Variants in AGFG2 observed in about 807,000 individuals in gnomAD.
AGFG2 encodes the protein arf-GAP domain and FG repeat-containing protein 2.
A neutral mutation model predicts 48.0 loss-of-function variants in AGFG2; 31 were observed. That is an observed-to-expected ratio of 0.65 (90% CI 0.49 to 0.87). The LOEUF (loss-of-function observed/expected upper bound fraction) is 0.87, where lower values mean the gene tolerates loss of function less well. Ranked by LOEUF, AGFG2 falls within the 40% of genes least tolerant of loss-of-function variation. The pLI, the probability that AGFG2 is intolerant of heterozygous loss-of-function variation, is 0.00. For missense variants in AGFG2, 599 were observed against 632.6 expected, an observed-to-expected ratio of 0.95 and a Z score of 0.57; for synonymous variants, 229 against 260.8, an observed-to-expected ratio of 0.88 and a Z score of 1.18.
In AGFG2 at chr7:100,565,057, A is replaced by G. The variant is rs2131128457; in HGVS notation, c.*66A>G. On this transcript the variant is annotated 3_prime_UTR_variant, in exon 12 of 12. Coordinates refer to ENST00000300176, the MANE Select transcript of AGFG2 (RefSeq NM_006076.5). Reference sequence around the variant, plus strand: ...CCCTCTGCTCCCTAGAGCTCTGGTGACCACTTGCCTGTGGGCATTTCTATG... The same window carrying G: ...CCCTCTGCTCCCTAGAGCTCTGGTGGCCACTTGCCTGTGGGCATTTCTATG... 2.6e-6 allele frequency: 4 copies of G among 1,533,000 alleles called. No individual in the cohort carries two copies. In the South Asian group the frequency reaches 3.4e-5, roughly 13 times the overall value. The allele number at this position is 1,533,000 out of a possible 1,614,324, so 95.0% of individuals were successfully genotyped here.
chr7:100,566,660 C>G lies in AGFG2; in HGVS notation c.*1669C>G, dbSNP rs1012738968. 6.6e-6 allele frequency: 1 copy of G among 152,236 alleles called. No individual in the cohort carries two copies. Among genetic ancestry groups the G allele is most frequent in the Non-Finnish European group, 1.5e-5 (1 of 68,074 alleles). 9.4% of individuals were successfully genotyped at this position (152,236 alleles called of 1,614,324 possible). ...TATTTGCAAGGCTGGGATTGGCCTC[C>G]CTGTCTTTTCCAACAATCAGGACCC... On this transcript the variant is annotated 3_prime_UTR_variant, in exon 12 of 12. Transcript: ENST00000300176.
In AGFG2 at chr7:100,565,244, T is replaced by C. The variant is rs563696310; in HGVS notation, c.*253T>C. On this transcript the variant is annotated 3_prime_UTR_variant, in exon 12 of 12. Coordinates refer to ENST00000300176, the MANE Select transcript of AGFG2 (RefSeq NM_006076.5). ...GGCAGGGCCTGACCTGGAGGAGTGA[T>C]GGTTGAGGGGGAGGGATTTTTTTCA... 29 of 572,854 alleles carry C rather than the reference T, an allele frequency of 5.1e-5. No individual in the cohort carries two copies. In the East Asian group the frequency reaches 8.0e-4, roughly 16 times the overall value. 35.5% of individuals were successfully genotyped at this position (572,854 alleles called of 1,614,324 possible).
chr7:100,541,261 C>A (rs1294698877), intron 1 of AGFG2, among the ~76,000 whole-genome samples: 3 of 152,158 alleles, frequency 2.0e-5, no homozygotes, highest in African/African-American at 7.2e-5. Flanking sequence ...GTTTTAACCT[C>A]CTTTGCTAAA....
Position 100,565,483 on chromosome 7 carries a change from C to T in AGFG2, c.*492C>T, listed in dbSNP as rs1016035727. ...CAGCACACACTTTCCTCCTGCAGCA[C>T]CCCCTGCTGAAGGGGTCCCCCATTG... is the stretch of plus-strand genomic sequence containing the variant. On this transcript the variant is annotated 3_prime_UTR_variant, in exon 12 of 12. Coordinates refer to ENST00000300176, the MANE Select transcript of AGFG2 (RefSeq NM_006076.5). 6.4e-6 allele frequency: 1 copy of T among 155,356 alleles called. No homozygotes were observed. The highest frequency in any genetic ancestry group is 2.4e-5 in the African/African-American group (1 of 41,464). The allele number at this position is 155,356 out of a possible 1,614,324, so 9.6% of individuals were successfully genotyped here. A position where few individuals can be genotyped will look rare whatever the true frequency, so the allele number is the denominator to read the frequency against.
intron 1 of AGFG2, among the ~76,000 whole-genome samples, chr7:100,541,190 C>A (rs1032863725): frequency 1.3e-5 from 2 of 152,122 alleles, no homozygotes; most frequent in Non-Finnish European, 2.9e-5. Flanking sequence ...TAGTGATGAT[C>A]ATGGCAGACC....
Position 100,562,169 on chromosome 7 carries a change from CCAT to C in AGFG2, c.878-87_878-85del. ...GCACCTGTCATGCCATGACTCCAAT[CCAT>C]CACCACCACCACCTCCATCTGCTCT... On this transcript the variant is annotated intron_variant, in intron 6 of 11. Transcript: ENST00000300176. The surrounding 1 kb of genome is among the most constrained non-coding windows in gnomAD (Gnocchi z 5.4). 1 of 1,520,700 alleles carries C rather than the reference CCAT, an allele frequency of 6.6e-7. No homozygotes were observed. Among genetic ancestry groups the C allele is most frequent in the South Asian group, 1.2e-5 (1 of 81,248 alleles). 94.2% of individuals were successfully genotyped at this position (1,520,700 alleles called of 1,614,324 possible). A position where few individuals can be genotyped will look rare whatever the true frequency, so the allele number is the denominator to read the frequency against.
chr7:100,553,466 C>A lies in AGFG2; in HGVS notation c.551C>A (p.Pro184Gln). 1.2e-6 allele frequency: 2 copies of A among 1,607,014 alleles called. No homozygotes were observed. Among genetic ancestry groups the A allele is most frequent in the Non-Finnish European group, 1.7e-6 (2 of 1,174,564 alleles). Reference sequence around the variant, plus strand: ...CGGACACTTCTGGGTGATCCTGCACCGTCTCTCTCAGTTGCTGCCTCCACC... The same window carrying A: ...CGGACACTTCTGGGTGATCCTGCACAGTCTCTCTCAGTTGCTGCCTCCACC... ...PLRTLLGDPA[P>Q]SLSVAASTSS... The change falls in exon 4 of 12, where the codon CCG (proline) becomes CAG (glutamine). Residue 184 changes from proline to glutamine, a missense_variant. Pro to Gln is a moderately conservative substitution (Grantham distance 76, BLOSUM62 -1). Coordinates refer to ENST00000300176, the MANE Select transcript of AGFG2 (RefSeq NM_006076.5).
chr7:100,547,015 T>C (rs547781147), intron 1 of AGFG2, among the ~76,000 whole-genome samples: 79 of 152,334 alleles, frequency 5.2e-4, no homozygotes, highest in Non-Finnish European at 1.0e-3. Flanking sequence ...CCTTTATACC[T>C]AAAGGTCTAG....
At position 100,554,198 on chromosome 7, in the gene AGFG2, G is replaced by A; in HGVS notation, c.691G>A (p.Gly231Arg). Residue 231 changes from glycine to arginine, a missense_variant, in exon 5 of 12, where the codon GGA becomes AGA. Physicochemically the swap from Gly to Arg is moderately radical, Grantham distance 125 (BLOSUM62 -2). Transcript: ENST00000300176. ...ASTDLLADIG[G>R]DPFAAPQMAP... is the part of the protein sequence containing the mutation. ...TACTGACCTGCTGGCTGACATCGGT[G>A]GAGACCCCTTTGCTGCACCCCAGAT... The A allele has an allele frequency of 1.2e-6, 2 of 1,614,224 alleles. No homozygotes were observed. The highest frequency in any genetic ancestry group is 1.7e-6 in the Non-Finnish European group (2 of 1,180,036).
chr7:100,558,545 GTTT>G (rs36124305), intron 6 of AGFG2, among the ~76,000 whole-genome samples: 2 of 135,472 alleles, frequency 1.5e-5, no homozygotes, highest in Non-Finnish European at 1.6e-5. Flanking sequence ...TTTTGTTTTT[GTTT>G]TTTTTTTTTT....
intron 3 of AGFG2, among the ~76,000 whole-genome samples, chr7:100,552,652 T>C (rs1401253665): frequency 2.6e-5 from 4 of 152,122 alleles, no homozygotes; most frequent in African/African-American, 7.2e-5. Flanking sequence ...AAGACCACAC[T>C]GTGGAGTCCC....
In AGFG2 at chr7:100,539,401, AAGGCGG is replaced by A. The variant is rs750507366; in HGVS notation, c.68_73del (p.Glu23_Ala24del). On this transcript the variant is annotated inframe_deletion, in exon 1 of 12. Coordinates refer to ENST00000300176, the MANE Select transcript of AGFG2 (RefSeq NM_006076.5). ...CCCGGGCGGCGGGGTCAGCGGGGGC[AAGGCGG>A]AGGCGGAGGCGGCCTCGGAGGTGTG... 1.9e-5 allele frequency: 25 copies of A among 1,308,394 alleles called. No individual in the cohort carries two copies. The highest frequency in any genetic ancestry group is 2.2e-4 in the Middle Eastern group (1 of 4,556). The allele number at this position is 1,308,394 out of a possible 1,614,324, so 81.0% of individuals were successfully genotyped here.
chr7:100,553,305 G>C (rs1318966194), intron 3 of AGFG2, 42 bp from the exon 4 acceptor site: 3 of 1,612,472 alleles, frequency 1.9e-6, no homozygotes, highest in Admixed American at 1.7e-5. Context: ...GTGGTCCAAA[G>C]TTTTATCCCT....
chr7:100,562,404 G>C lies in AGFG2; in HGVS notation c.998+25G>C. 1 of 1,611,738 alleles carries C rather than the reference G, an allele frequency of 6.2e-7. No individual in the cohort carries two copies. The highest frequency in any genetic ancestry group is 1.3e-5 in the African/African-American group (1 of 75,010). On this transcript the variant is annotated intron_variant, in intron 7 of 11. Transcript: ENST00000300176. The surrounding 1 kb of genome is among the most constrained non-coding windows in gnomAD (Gnocchi z 5.4). ...GGTAGGTACAGACAGTGGGCAGTCT[G>C]CTGTAGGGCAGGAGAGCCGCCCGAA...
rs1451938919 is a variant in AGFG2 at position 100,562,653 on chromosome 7, G to C, written c.1058G>C (p.Gly353Ala). 3 of 1,609,922 alleles carry C rather than the reference G, an allele frequency of 1.9e-6. No individual in the cohort carries two copies. The highest frequency in any genetic ancestry group is 2.5e-6 in the Non-Finnish European group (3 of 1,179,818). Reference sequence around the variant, plus strand: ...CAGTCTGTCACGATGGGCGGCGGCGGCGGCAGCAGCACAGGGCTGGCCTTT... The same window carrying C: ...CAGTCTGTCACGATGGGCGGCGGCGCCGGCAGCAGCACAGGGCTGGCCTTT... ...PLQSVTMGGG[G>A]GSSTGLAFGA... is the part of the protein sequence containing the mutation. The change falls in exon 8 of 12, where the codon GGC becomes GCC. Residue 353 changes from glycine to alanine, a missense_variant. By Grantham distance (60) the Gly-to-Ala change is moderately conservative (BLOSUM62 0). Transcript: ENST00000300176. This position sits in a 1 kb window ranked among gnomAD's most constrained non-coding sequence, Gnocchi z 5.4.
rs1385794407 is a variant in AGFG2, at chr7:100,562,873, C to A, written c.1098C>A (p.Asn366Lys). The change falls in exon 9 of 12, where the codon AAC (asparagine) becomes AAA (lysine). Residue 366 changes from asparagine (N) to lysine (K), a missense_variant. Physicochemically the swap from Asn to Lys is moderately conservative, Grantham distance 94 (BLOSUM62 0). Transcript: ENST00000300176. The surrounding 1 kb of genome is among the most constrained non-coding windows in gnomAD (Gnocchi z 5.4). The part of the protein sequence containing the change: ...STGLAFGAFT[N>K]PFTAPAAQSP... ...ATTCCACCTGGGCAGCCTTCACTAA[C>A]CCTTTCACAGCTCCCGCCGCCCAGT... The A allele has an allele frequency of 1.2e-6, 2 of 1,614,158 alleles. No individual in the cohort carries two copies. The highest frequency in any genetic ancestry group is 2.2e-5 in the South Asian group (2 of 91,088).
intron 11 of AGFG2, 91 bp from the exon 12 acceptor site, chr7:100,564,841 A>G: frequency 1.4e-6 from 2 of 1,449,472 alleles, no homozygotes; most frequent in East Asian, 4.5e-5. Flanking sequence ...CAGCATAGCG[A>G]TTTTTCAGGA....
In AGFG2 at chr7:100,555,597, C is replaced by T; in HGVS notation, c.752-13C>T. ...AATTTTCTATATAACCTTTATGTTT[C>T]TTCCACCTACAGGCCAGACACCTTC... On this transcript the variant is annotated splice_polypyrimidine_tract_variant and intron_variant, in intron 5 of 11. Coordinates refer to ENST00000300176, the MANE Select transcript of AGFG2 (RefSeq NM_006076.5). 2.5e-6 allele frequency: 4 copies of T among 1,611,766 alleles called. No homozygotes were observed. The highest frequency in any genetic ancestry group is 1.3e-5 in the African/African-American group (1 of 74,976).
At chr7:100,543,577 G>T (rs762032303) in intron 1 of AGFG2, among the ~76,000 whole-genome samples, 1 of 152,162 alleles carries the variant, frequency 6.6e-6, no homozygotes, top group Non-Finnish European at 1.5e-5. Context: ...CCAGCTGGTT[G>T]GATTGGCCGA....
Sources: gnomAD v4.1 joint callset for allele counts (sites outside exome capture counted in the v4.1 genomes callset) on GRCh38, gnomAD v4.1.1 for gene constraint, Gnocchi (gnomAD v3.1) non-coding constraint, MANE v1.5 for transcripts, NCBI Gene and HGNC (gene_info 2026-07-23, HGNC 2026-07-21) for gene names.